COL6A2: variants seen among roughly 807,000 people sequenced by gnomAD.
COL6A2 encodes collagen type VI alpha 2 chain.
In COL6A2, 90 loss-of-function variants were observed where a neutral mutation model predicts 124.9. The observed-to-expected ratio is 0.72, with a 90% CI of 0.61 to 0.86. The LOEUF is 0.86. Among genes scored for constraint, COL6A2 ranks in the 40% least tolerant of loss-of-function variants. COL6A2 has a pLI of 0.00. For missense variants in COL6A2, 1,607 were observed against 1,502.5 expected (o/e 1.07, Z -1.15); for synonymous variants, 793 against 618.2 (o/e 1.28, Z -4.19).
At chr21:46,104,300 G>T (rs144881737) in intron 1 of COL6A2, among the ~76,000 whole-genome samples, 391 of 152,244 alleles carry the variant, frequency 2.6e-3, no homozygotes, top group Middle Eastern at 6.8e-3. Context: ...GAAAGAAAAT[G>T]TAGGAACAAA....
chr21:46,128,867 G>A, intron 27 of COL6A2: 4 of 1,570,890 alleles, frequency 2.5e-6, no homozygotes, highest in Non-Finnish European at 3.5e-6. Context: ...TGCGGCACTG[G>A]AAGCCCTACT....
In COL6A2 at chr21:46,124,581, A is replaced by G. The variant is rs2123658217; in HGVS notation, c.1672-70A>G. 5 of 1,481,950 alleles carry G rather than the reference A, an allele frequency of 3.4e-6. 1 individual carries two copies. In the South Asian group the frequency reaches 4.5e-5, roughly 13 times the overall value. The allele number at this position is 1,481,950 out of a possible 1,614,324, so 91.8% of individuals were successfully genotyped here. A position where few individuals can be genotyped will look rare whatever the true frequency, so the allele number is the denominator to read the frequency against. ...GAGGACCCGTGGTTGGGGACAGCAC[A>G]GGGGGCCCTGCTGTGTGCAGGGACT... On this transcript the variant is annotated intron_variant, in intron 21 of 27. Transcript: ENST00000300527.
In COL6A2 at chr21:46,112,504, A is replaced by G. The variant is rs2123616323; in HGVS notation, c.641A>G (p.Asn214Ser). ...AGCACGCCGCACGAGCTCTACCGCA[A>G]CGACTACGCCACCATGCTGCCCGAC... ...IASTPHELYR[N>S]DYATMLPDST... is the part of the protein sequence containing the mutation. The change falls in exon 3 of 28, where the codon AAC (asparagine) becomes AGC (serine). Residue 214 changes from asparagine (N) to serine (S), a missense_variant. This residue lies in a region of COL6A2 where 342 missense variants were observed against 381.5 expected (regional missense o/e 0.90). Transcript: ENST00000300527. The G allele has an allele frequency of 6.2e-7, 1 of 1,611,920 alleles. No individual in the cohort carries two copies. Among genetic ancestry groups the G allele is most frequent in the Non-Finnish European group, 8.5e-7 (1 of 1,179,854 alleles).
Position 46,132,515 on chromosome 21 carries a change from C to G in COL6A2, c.3023C>G (p.Pro1008Arg), listed in dbSNP as rs748604908. ...HEKDYDSLAQ[P>R]GFFDRFIRWI... ...AAGGACTATGACAGCCTGGCGCAAC[C>G]CGGCTTCTTCGACCGCTTCATCCGC... is the stretch of plus-strand genomic sequence containing the variant. The change falls in exon 28 of 28, where the codon CCC becomes CGC. Residue 1008 changes from proline to arginine, a missense_variant. By Grantham distance (103) the Pro-to-Arg change is moderately radical. Transcript: ENST00000300527. 5 of 1,606,554 alleles carry G rather than the reference C, an allele frequency of 3.1e-6. No homozygotes were observed. The highest frequency in any genetic ancestry group is 1.3e-5 in the African/African-American group (1 of 74,900).
chr21:46,126,448 G>C, intron 26 of COL6A2, 55 bp from the exon 27 acceptor site: 1 of 1,606,012 alleles, frequency 6.2e-7, no homozygotes, highest in East Asian at 2.2e-5. Flanking sequence ...AACGGCCGCT[G>C]AGGGTTCGCT....
Position 46,126,252 on chromosome 21 carries a change from G to C in COL6A2, c.2422+15G>C. The C allele has an allele frequency of 6.3e-7, 1 of 1,597,466 alleles. No homozygotes were observed. On this transcript the variant is annotated intron_variant, in intron 26 of 27. Coordinates refer to ENST00000300527, the MANE Select transcript of COL6A2 (RefSeq NM_001849.4). ...CCTCTGCCCGGGTGAGCGTGTGGGC[G>C]CGGGGCAGTCGGCCGAGGAGCAGCA... is the stretch of plus-strand genomic sequence containing the variant.
At chr21:46,131,144 TC>T (rs1023086132) in intron 27 of COL6A2, among the ~76,000 whole-genome samples, 1 of 152,044 alleles carries the variant, frequency 6.6e-6, no homozygotes, top group African/African-American at 2.4e-5. Context: ...GTCCCTCCCC[TC>T]CCCCATCCCA....
At position 46,120,059 on chromosome 21, in the gene COL6A2, A is replaced by AC. The variant is rs925505259; in HGVS notation, c.1332+213dup. 3.3e-5 allele frequency among the ~76,000 whole-genome samples: 3 copies of AC among 91,318 alleles called. No individual in the cohort carries two copies. The Admixed American group carries it at 4.9e-4, about 15-fold the overall frequency. The allele number at this position is 91,318 out of a possible 152,430, so 59.9% of individuals were successfully genotyped here. On this transcript the variant is annotated intron_variant, in intron 15 of 27. Transcript: ENST00000300527. ...GAAGCTCCACTACCCACCCAGGCAC[A>AC]CCCCGCACAGCTGTGCAGGCACCAT...
chr21:46,126,016 G>C lies in COL6A2; in HGVS notation c.2201G>C (p.Arg734Pro). The C allele has an allele frequency of 6.2e-7, 1 of 1,612,882 alleles. No individual in the cohort carries two copies. Among genetic ancestry groups the C allele is most frequent in the Non-Finnish European group, 8.5e-7 (1 of 1,179,840 alleles). Residue 734 changes from arginine to proline, a missense_variant, in exon 26 of 28, where the codon CGC becomes CCC. This residue lies in a region of COL6A2 where 1,223 missense variants were observed against 1,052.2 expected (regional missense o/e 1.16). Coordinates refer to ENST00000300527, the MANE Select transcript of COL6A2 (RefSeq NM_001849.4). ...RVFAVVITDG[R>P]HDPRDDDLNL... is the part of the protein sequence containing the mutation. ...TTTGCGGTGGTCATCACGGACGGGC[G>C]CCACGACCCTCGGGACGATGACCTC...
rs1210397378 is a variant in COL6A2 at position 46,126,629 on chromosome 21, C to G, written c.2461+88C>G. 6.5e-6 allele frequency: 10 copies of G among 1,534,586 alleles called. No individual in the cohort carries two copies. The East Asian group carries it at 2.3e-4, about 35-fold the overall frequency. On this transcript the variant is annotated intron_variant, in intron 27 of 27. Transcript: ENST00000300527. The stretch of plus-strand genomic sequence containing the variant: ...CTCGAGGGCCGGGCTGGGGGAGGGG[C>G]CGTGCAGGGACCCGGGGGGCGGCGG...
In COL6A2 at chr21:46,132,745, C is replaced by A; in HGVS notation, c.*193C>A. On this transcript the variant is annotated 3_prime_UTR_variant, in exon 28 of 28. Coordinates refer to ENST00000300527, the MANE Select transcript of COL6A2 (RefSeq NM_001849.4). ...GCCCCAGGTCTCCCCAGGCCCTCCGCAGGCTGCCCGGCCTCCCTCCCCCTG... is the reference window on the plus strand; with the variant it reads ...GCCCCAGGTCTCCCCAGGCCCTCCGAAGGCTGCCCGGCCTCCCTCCCCCTG... 1 of 621,278 alleles carries A rather than the reference C, an allele frequency of 1.6e-6. No homozygotes were observed. The highest frequency in any genetic ancestry group is 2.8e-6 in the Non-Finnish European group (1 of 356,398). 38.5% of individuals were successfully genotyped at this position (621,278 alleles called of 1,614,324 possible).
chr21:46,104,637 A>G (rs1168695345), intron 1 of COL6A2, among the ~76,000 whole-genome samples: 1 of 152,218 alleles, frequency 6.6e-6, no homozygotes, highest in African/African-American at 2.4e-5. Flanking sequence ...TAATGGCTGA[A>G]AACTTCTAAA....
At chr21:46,112,958 G>A in intron 4 of COL6A2, 134 bp downstream of exon 4, 1 of 1,156,842 alleles carries the variant, frequency 8.6e-7, no homozygotes, top group South Asian at 1.3e-5. Flanking sequence ...CTCCATGTTG[G>A]ACCTGAGGCC....
chr21:46,123,743 G>A (rs2078606393), intron 21 of COL6A2, among the ~76,000 whole-genome samples: 1 of 133,002 alleles, frequency 7.5e-6, no homozygotes, highest in South Asian at 2.4e-4. Context: ...TTAGATGATG[G>A]ATGGCTGAAT....
intron 27 of COL6A2, among the ~76,000 whole-genome samples, chr21:46,127,535 G>A (rs1272156547): frequency 6.6e-6 from 1 of 152,158 alleles, no homozygotes; most frequent in African/African-American, 2.4e-5. Flanking sequence ...ACAGTGGGCT[G>A]TGCTTCTGCC....
intron 5 of COL6A2, among the ~76,000 whole-genome samples, 156 bp from the exon 6 acceptor site, chr21:46,115,716 G>T (rs1174858514): frequency 1.3e-5 from 2 of 152,210 alleles, no homozygotes; most frequent in Admixed American, 6.5e-5. Flanking sequence ...GACAGAGGCT[G>T]GCCCTTTGGG....
rs141960812 is a variant in COL6A2 at position 46,117,646 on chromosome 21, G to A, written c.1053+193G>A. ...GGAACTCCCCCTGGGAGCTCCTGGC[G>A]GATCCCCGTGGCCTGGAGACCTGAT... On this transcript the variant is annotated intron_variant, in intron 11 of 27. Transcript: ENST00000300527. 0.028 allele frequency: 20,552 copies of A among 739,148 alleles called. 362 individuals are homozygous for A. Among genetic ancestry groups the A allele is most frequent in the Middle Eastern group, 0.046 (125 of 2,740 alleles). The allele number at this position is 739,148 out of a possible 1,614,324, so 45.8% of individuals were successfully genotyped here. A position where few individuals can be genotyped will look rare whatever the true frequency, so the allele number is the denominator to read the frequency against.
rs907246795 is a variant in COL6A2 at position 46,111,907 on chromosome 21, C to T, written c.116-72C>T. 2.5e-5 allele frequency: 38 copies of T among 1,496,420 alleles called. 1 individual carries two copies. In the South Asian group the frequency reaches 2.6e-4, roughly 10 times the overall value. 92.7% of individuals were successfully genotyped at this position (1,496,420 alleles called of 1,614,324 possible). A position where few individuals can be genotyped will look rare whatever the true frequency, so the allele number is the denominator to read the frequency against. ...GTGAGGTCAAACCCACAAACAGGCACGGGGCCAGGAAACGGGGCTCCAACA... is the reference window on the plus strand; with the variant it reads ...GTGAGGTCAAACCCACAAACAGGCATGGGGCCAGGAAACGGGGCTCCAACA... On this transcript the variant is annotated intron_variant, in intron 2 of 27. Coordinates refer to ENST00000300527, the MANE Select transcript of COL6A2 (RefSeq NM_001849.4).
intron 27 of COL6A2, among the ~76,000 whole-genome samples, chr21:46,131,134 G>T (rs186547676): frequency 9.2e-4 from 140 of 152,318 alleles, no homozygotes; most frequent in African/African-American, 3.2e-3. Context: ...AACTGGCTCT[G>T]TCCCTCCCCT....
Sources: gnomAD v4.1 joint callset for allele counts (sites outside exome capture counted in the v4.1 genomes callset) on GRCh38, gnomAD v4.1.1 for gene constraint, gnomAD v4.1.1 regional missense constraint, MANE v1.5 for transcripts, NCBI Gene and HGNC (gene_info 2026-07-23, HGNC 2026-07-21) for gene names.